Variants in GAS2 observed in about 807,000 individuals in gnomAD.
The protein encoded by GAS2 is growth arrest-specific protein 2.
Under a neutral mutation model 37.5 loss-of-function variants are expected in GAS2, and 20 were observed. The observed-to-expected ratio is 0.53, with a 90% CI of 0.37 to 0.77. The LOEUF (loss-of-function observed/expected upper bound fraction) is 0.77. GAS2 is among the 30% of genes least tolerant of loss of function. The pLI, the probability that GAS2 is intolerant of heterozygous loss-of-function variation, is 0.00. For missense variants in GAS2, 336 were observed against 373.4 expected (o/e 0.90, Z 0.82); for synonymous variants, 144 against 132.2 (o/e 1.09, Z -0.61).
At chr11:22,721,155 G>A (rs1565108781) in intron 3 of GAS2, among the ~76,000 whole-genome samples, 2 of 151,858 alleles carry the variant, frequency 1.3e-5, no homozygotes, top group Non-Finnish European at 2.9e-5. Context: ...ATATGAAAGT[G>A]AACGTTGTGT....
chr11:22,755,629 C>T (rs1853987067), intron 6 of GAS2: 1 of 414,284 alleles, frequency 2.4e-6, no homozygotes, highest in African/African-American at 2.0e-5. Context: ...CATTAGCTAA[C>T]TTATGCCTTA....
chr11:22,811,943 C>G lies in GAS2; in HGVS notation c.869C>G (p.Thr290Ser), dbSNP rs754958566. The G allele has an allele frequency of 4.0e-5, 64 of 1,614,016 alleles. No homozygotes were observed. The highest frequency in any genetic ancestry group is 8.3e-5 in the Admixed American group (5 of 59,986). ...KTSPIQSKSP[T>S]LKDMNPDNYL... ...TCCCCTATCCAAAGCAAATCTCCAA[C>G]TCTAAAGGACATGAATCCAGATAAC... The change falls in exon 8 of 8, where the codon ACT becomes AGT. Residue 290 changes from threonine to serine, a missense_variant. Thr to Ser is a moderately conservative substitution (Grantham distance 58). Transcript: ENST00000454584.
At chr11:22,789,454 A>ATATTTTT (rs1564889924) in intron 7 of GAS2, among the ~76,000 whole-genome samples, 2 of 61,214 alleles carry the variant, frequency 3.3e-5, no homozygotes, top group Admixed American at 2.1e-4. Flanking sequence ...ATATATATAT[A>ATATTTTT]TTCTTTTTTT....
intron 4 of GAS2, among the ~76,000 whole-genome samples, chr11:22,736,744 A>C (rs963898418): frequency 6.6e-6 from 1 of 152,164 alleles, no homozygotes; most frequent in Admixed American, 6.5e-5. Context: ...AAAATCTATC[A>C]ATAAACAATC....
At chr11:22,681,309 G>GTTT (rs112291338) in intron 2 of GAS2, among the ~76,000 whole-genome samples, 55,925 of 151,986 alleles carry the variant, frequency 0.37, 11,281 homozygotes, top group African/African-American at 0.55. Flanking sequence ...TCAGGCAACT[G>GTTT]AAATCCCACC....
At chr11:22,672,168 T>C (rs1025299332) in intron 1 of GAS2, among the ~76,000 whole-genome samples, 8 of 152,144 alleles carry the variant, frequency 5.3e-5, no homozygotes, top group African/African-American at 1.7e-4. Context: ...CACCTCTGTC[T>C]CCTGGGGAAA....
Position 22,730,367 on chromosome 11 carries a change from T to C in GAS2, c.409+3934T>C, listed in dbSNP as rs529584924. On this transcript the variant is annotated intron_variant, in intron 4 of 7. Transcript: ENST00000454584. ...AGATATTTATTGACATAAAATTTTA[T>C]ACATCAGTATATTAAAAGGATTTTT... 2.0e-5 allele frequency among the ~76,000 whole-genome samples: 3 copies of C among 151,946 alleles called. No homozygotes were observed. The South Asian group carries it at 6.2e-4, about 31-fold the overall frequency.
At chr11:22,693,532 C>CT (rs1272115925) in intron 3 of GAS2, among the ~76,000 whole-genome samples, 3 of 152,040 alleles carry the variant, frequency 2.0e-5, no homozygotes, top group African/African-American at 4.8e-5. Context: ...AATAGGTGTG[C>CT]TTTTTTTATT....
intron 3 of GAS2, among the ~76,000 whole-genome samples, chr11:22,703,813 A>G (rs1294296615): frequency 1.3e-5 from 2 of 152,132 alleles, no homozygotes; most frequent in African/African-American, 4.8e-5. Context: ...TTGAAAACAC[A>G]TTACATATCA....
At chr11:22,737,849 T>A in intron 5 of GAS2, 81 bp downstream of exon 5, 3 of 1,246,920 alleles carry the variant, frequency 2.4e-6, no homozygotes, top group Non-Finnish European at 3.5e-6. Flanking sequence ...GGCTTTTCAT[T>A]GCTAATGTTT....
chr11:22,730,799 A>G (rs1852434746), intron 4 of GAS2, among the ~76,000 whole-genome samples: 1 of 151,768 alleles, frequency 6.6e-6, no homozygotes, highest in Admixed American at 6.6e-5. Context: ...TCTAGGTGTG[A>G]AAGTATTTAT....
intron 7 of GAS2, among the ~76,000 whole-genome samples, chr11:22,782,502 C>T (rs1256338177): frequency 6.6e-6 from 1 of 151,782 alleles, no homozygotes; most frequent in Non-Finnish European, 1.5e-5. Context: ...TGACTTGAAC[C>T]CATCATCCAG....
At chr11:22,726,270 A>C in intron 3 of GAS2, 22 bp from the exon 4 acceptor site, 1 of 1,583,370 alleles carries the variant, frequency 6.3e-7, no homozygotes. Context: ...TTTCTCCTAG[A>C]ACGAATTTCT....
At position 22,758,364 on chromosome 11, in the gene GAS2, T is replaced by C. The variant is rs565973014; in HGVS notation, c.723+2411T>C. Among the ~76,000 whole-genome samples, 9 of 152,226 alleles carry C rather than the reference T, an allele frequency of 5.9e-5. No individual in the cohort carries two copies. The South Asian group carries it at 1.7e-3, about 28-fold the overall frequency. ...TCATATCTTTTTTGAGGCTGCCTAA[T>C]ACGGTCATATTTACTGACAGTATTT... is the stretch of plus-strand genomic sequence containing the variant. On this transcript the variant is annotated intron_variant, in intron 7 of 7. Coordinates refer to ENST00000454584, the MANE Select transcript of GAS2 (RefSeq NM_001143830.3).
At chr11:22,644,149 C>T (rs566369441) in intron 1 of GAS2, among the ~76,000 whole-genome samples, 1 of 152,160 alleles carries the variant, frequency 6.6e-6, no homozygotes, top group East Asian at 1.9e-4. Flanking sequence ...TCTTATTACT[C>T]TTTCACTAAG....
chr11:22,704,878 T>C (rs1223533213), intron 3 of GAS2, among the ~76,000 whole-genome samples: 1 of 151,976 alleles, frequency 6.6e-6, no homozygotes, highest in Non-Finnish European at 1.5e-5. Context: ...ATTTGCTACA[T>C]TTAAAATTGT....
chr11:22,634,652 C>T (rs577346088), intron 1 of GAS2, among the ~76,000 whole-genome samples: 6 of 152,260 alleles, frequency 3.9e-5, no homozygotes, highest in East Asian at 1.9e-4. Flanking sequence ...TGCTGCTGCT[C>T]TTCTGATTCT....
intron 2 of GAS2, among the ~76,000 whole-genome samples, chr11:22,681,809 T>A (rs1464073660): frequency 6.7e-6 from 1 of 149,996 alleles, no homozygotes; most frequent in Non-Finnish European, 1.5e-5. Context: ...TTGCCATGGA[T>A]AAATTCAGCT....
intron 3 of GAS2, among the ~76,000 whole-genome samples, chr11:22,712,190 G>A (rs1177904351): frequency 6.6e-6 from 1 of 152,186 alleles, no homozygotes. Context: ...TGGCTAGCCA[G>A]AGGTCCTGAA....
Sources: gnomAD v4.1 joint callset for allele counts (sites outside exome capture counted in the v4.1 genomes callset) on GRCh38, gnomAD v4.1.1 for gene constraint, MANE v1.5 for transcripts, NCBI Gene and HGNC (gene_info 2026-07-23, HGNC 2026-07-21) for gene names.